ZCCHC7: variants seen among roughly 807,000 people sequenced by gnomAD.
ZCCHC7 encodes the protein zinc finger CCHC domain-containing protein 7.
ZCCHC7 carries 35 observed loss-of-function variants against 52.0 expected under a neutral mutation model. That is an observed-to-expected ratio of 0.67 (90% CI 0.51 to 0.89). The LOEUF is 0.89. ZCCHC7 is among the 40% of genes least tolerant of loss of function. The pLI is 0.00. For synonymous variants in ZCCHC7, 217 were observed against 221.5 expected, an observed-to-expected ratio of 0.98 and a Z score of 0.18; for missense variants, 574 against 649.1, an observed-to-expected ratio of 0.88 and a Z score of 1.26.
At chr9:37,316,022 A>G (rs1829802423) in intron 5 of ZCCHC7, among the ~76,000 whole-genome samples, 1 of 150,288 alleles carries the variant, frequency 6.7e-6, no homozygotes, top group Admixed American at 6.6e-5. Flanking sequence ...GTCTCAAAAA[A>G]AAAAAAAGGG....
chr9:37,275,318 CTT>C lies in ZCCHC7; in HGVS notation c.611-26853_611-26852del, dbSNP rs35954918. On this transcript the variant is annotated intron_variant, in intron 2 of 8. Coordinates refer to ENST00000336755, the MANE Select transcript of ZCCHC7 (RefSeq NM_032226.3). The stretch of plus-strand genomic sequence containing the variant: ...TCCTAATCTATATTGTCTAGTTTTC[CTT>C]TTTTTTTTTTTTTTTTGAGCTTTAT... Among the ~76,000 whole-genome samples, 283 of 123,992 alleles carry C rather than the reference CTT, an allele frequency of 2.3e-3. 1 individual carries two copies. Among genetic ancestry groups the C allele is most frequent in the Middle Eastern group, 4.1e-3 (1 of 246 alleles). 81.3% of individuals were successfully genotyped at this position (123,992 alleles called of 152,430 possible).
At chr9:37,172,492 A>G (rs530367163) in intron 2 of ZCCHC7, among the ~76,000 whole-genome samples, 4 of 152,322 alleles carry the variant, frequency 2.6e-5, no homozygotes, top group Admixed American at 1.3e-4. Context: ...CCATTCATAG[A>G]TAAGTTATTT....
chr9:37,222,713 A>G (rs577240025), intron 2 of ZCCHC7, among the ~76,000 whole-genome samples: 139 of 152,236 alleles, frequency 9.1e-4, no homozygotes, highest in Non-Finnish European at 5.3e-4. Flanking sequence ...AATGTGAACA[A>G]TCATTAAAAA....
chr9:37,168,759 T>A (rs563823078), intron 2 of ZCCHC7, among the ~76,000 whole-genome samples: 38 of 152,082 alleles, frequency 2.5e-4, no homozygotes, highest in African/African-American at 8.9e-4. Flanking sequence ...CAGTACATAT[T>A]TGAGGAGTAG....
At chr9:37,120,487 A>G, upstream of ZCCHC7, 1 of 398,770 alleles carries the variant, frequency 2.5e-6, no homozygotes, top group Non-Finnish European at 4.4e-6. Context: ...CGGTGACTAG[A>G]GCTGTGTTGT....
intron 5 of ZCCHC7, among the ~76,000 whole-genome samples, chr9:37,306,835 T>C (rs2133725263): frequency 7.9e-6 from 1 of 126,792 alleles, no homozygotes; most frequent in Non-Finnish European, 1.6e-5. Flanking sequence ...TCACGGTGGC[T>C]AGAGTGCAGT....
chr9:37,178,024 A>G (rs1822139568), intron 2 of ZCCHC7, among the ~76,000 whole-genome samples: 1 of 152,194 alleles, frequency 6.6e-6, no homozygotes, highest in Admixed American at 6.5e-5. Flanking sequence ...TTACCATACT[A>G]ATGTAAGATG....
At chr9:37,206,257 C>G (rs1005511501) in intron 2 of ZCCHC7, among the ~76,000 whole-genome samples, 1 of 151,212 alleles carries the variant, frequency 6.6e-6, no homozygotes, top group Non-Finnish European at 1.5e-5. Context: ...TCTTTCCCCT[C>G]CCTCTCTTCC....
chr9:37,222,328 AGTGTGTGTGTGTGTGT>A (rs74182938), intron 2 of ZCCHC7, among the ~76,000 whole-genome samples: 64 of 133,096 alleles, frequency 4.8e-4, no homozygotes, highest in African/African-American at 8.5e-4. Flanking sequence ...AGAATAACAG[AGTGTGTGTGTGTGTGT>A]GTGTGTGTGT....
At chr9:37,285,696 T>C (rs1828174746) in intron 2 of ZCCHC7, among the ~76,000 whole-genome samples, 1 of 152,228 alleles carries the variant, frequency 6.6e-6, no homozygotes, top group African/African-American at 2.4e-5. Flanking sequence ...AACCAGTGAC[T>C]CAGACAGATG....
chr9:37,216,162 C>A (rs913037039), intron 2 of ZCCHC7, among the ~76,000 whole-genome samples: 1 of 152,158 alleles, frequency 6.6e-6, no homozygotes, highest in African/African-American at 2.4e-5. Context: ...TCTTTACTAA[C>A]GAGGTCATAT....
chr9:37,339,556 C>A (rs1038344656), intron 6 of ZCCHC7, among the ~76,000 whole-genome samples: 1 of 152,152 alleles, frequency 6.6e-6, no homozygotes, highest in African/African-American at 2.4e-5. Flanking sequence ...TAAGGTTGTT[C>A]TCAAACATGA....
At chr9:37,172,063 T>C (rs964627700) in intron 2 of ZCCHC7, among the ~76,000 whole-genome samples, 1 of 152,208 alleles carries the variant, frequency 6.6e-6, no homozygotes, top group African/African-American at 2.4e-5. Context: ...ATGGGACCTG[T>C]GTCTCTTAAA....
In ZCCHC7 at chr9:37,354,896, C is replaced by T; in HGVS notation, c.1198+72C>T. The T allele has an allele frequency of 4.0e-6, 4 of 990,794 alleles. No homozygotes were observed. The highest frequency in any genetic ancestry group is 4.6e-6 in the Non-Finnish European group (3 of 656,306). The allele number at this position is 990,794 out of a possible 1,614,324, so 61.4% of individuals were successfully genotyped here. On this transcript the variant is annotated intron_variant, in intron 8 of 8. Transcript: ENST00000336755. The surrounding 1 kb of genome is among the most constrained non-coding windows in gnomAD (Gnocchi z 4.0). ...AATTTCTTTGTTTGTACTGTCTTTG[C>T]CTGCTTTGGGGGTCATTGGTTAGCA... is the stretch of plus-strand genomic sequence containing the variant.
chr9:37,341,818 T>G (rs1330118287), intron 6 of ZCCHC7, among the ~76,000 whole-genome samples: 1 of 152,090 alleles, frequency 6.6e-6, no homozygotes, highest in Non-Finnish European at 1.5e-5. Flanking sequence ...AAGTAGCTGG[T>G]GCAAAGCGCT....
intron 2 of ZCCHC7, among the ~76,000 whole-genome samples, chr9:37,156,687 C>T (rs565014407): frequency 4.4e-4 from 67 of 152,296 alleles, no homozygotes; most frequent in African/African-American, 1.5e-3. Context: ...CTCTGTTATT[C>T]TGGTAACTGA....
chr9:37,181,865 A>G (rs1588440056), intron 2 of ZCCHC7, among the ~76,000 whole-genome samples: 1 of 152,166 alleles, frequency 6.6e-6, no homozygotes, highest in Non-Finnish European at 1.5e-5. Flanking sequence ...TTTAAAAAAA[A>G]TTTGAGATGG....
chr9:37,198,870 T>G (rs571477023), intron 2 of ZCCHC7, among the ~76,000 whole-genome samples: 1 of 152,332 alleles, frequency 6.6e-6, no homozygotes, highest in African/African-American at 2.4e-5. Flanking sequence ...TCGTGTTCAA[T>G]ACCTTTTTTG....
chr9:37,128,026 CA>C (rs1842614596), intron 2 of ZCCHC7, among the ~76,000 whole-genome samples: 4 of 152,118 alleles, frequency 2.6e-5, no homozygotes, highest in South Asian at 4.2e-4. Flanking sequence ...AACTTGACAG[CA>C]AAACGAAAAG....
Sources: gnomAD v4.1 joint callset for allele counts (sites outside exome capture counted in the v4.1 genomes callset) on GRCh38, gnomAD v4.1.1 for gene constraint, Gnocchi (gnomAD v3.1) non-coding constraint, MANE v1.5 for transcripts, NCBI Gene and HGNC (gene_info 2026-07-23, HGNC 2026-07-21) for gene names.